Variants in ZBTB25 observed in about 807,000 individuals in gnomAD.
ZBTB25 encodes the protein zinc finger and BTB domain containing 25.
In ZBTB25, 20 loss-of-function variants were observed where a neutral mutation model predicts 34.2. The ratio of observed to expected loss-of-function variants is 0.58; its 90% CI spans 0.41 to 0.85. The LOEUF is 0.85. Among genes scored for constraint, ZBTB25 ranks in the 40% least tolerant of loss-of-function variants. The probability of loss-of-function intolerance (pLI) is 0.00; values close to 1 mark genes in which losing one functional copy is unlikely to be tolerated. For missense variants in ZBTB25, 437 were observed against 521.8 expected (o/e 0.84, Z 1.58); for synonymous variants, 175 against 186.4 (o/e 0.94, Z 0.50).
downstream of ZBTB25, among the ~76,000 whole-genome samples, chr14:64,475,708 T>A (rs1345128605): frequency 6.6e-6 from 1 of 152,126 alleles, no homozygotes; most frequent in Non-Finnish European, 1.5e-5. Flanking sequence ...GAAAATCCTC[T>A]GCAAAACTGG....
upstream of ZBTB25, chr14:64,505,127 C>T (rs1011530265): frequency 2.0e-5 from 7 of 344,020 alleles, no homozygotes; most frequent in Non-Finnish European, 2.6e-5. Flanking sequence ...TGCTTGTTGC[C>T]GGCGCGTCAG....
At chr14:64,453,400 C>T (rs1189896533) in intron 2 of ZBTB25, among the ~76,000 whole-genome samples, 1 of 151,936 alleles carries the variant, frequency 6.6e-6, no homozygotes, top group Non-Finnish European at 1.5e-5. Context: ...GGAGAAACTC[C>T]GTCTCTACTA....
chr14:64,471,823 T>C (rs11848452), intron 2 of ZBTB25: 4,042 of 167,136 alleles, frequency 0.024, 56 homozygotes, highest in Middle Eastern at 0.054. Context: ...TTGCATTGTG[T>C]ATGGATTGCA....
intron 2 of ZBTB25, chr14:64,460,780 C>CTTT (rs2078544731): frequency 6.6e-6 from 1 of 152,140 alleles, no homozygotes. Context: ...AATCCCAGCA[C>CTTT]TTTGGGAGGC....
chr14:64,458,165 G>A, intron 2 of ZBTB25: 1 of 1,408,824 alleles, frequency 7.1e-7, no homozygotes, highest in Non-Finnish European at 1.0e-6. Flanking sequence ...ATAGGCGTGA[G>A]CCACTGTGCC....
At chr14:64,462,759 C>T (rs945752412) in intron 2 of ZBTB25, 1 of 152,168 alleles carries the variant, frequency 6.6e-6, no homozygotes, top group African/African-American at 2.4e-5. Flanking sequence ...CTCTGTGCAA[C>T]CCTCATGGTG....
exon 3 of ZBTB25, chr14:64,449,528 G>A: frequency 6.2e-7 from 1 of 1,614,192 alleles, no homozygotes; most frequent in Non-Finnish European, 8.5e-7. Context: ...TGCACTCACT[G>A]GGCAGAAGGG....
At chr14:64,477,052 G>C (rs2078726734), downstream of ZBTB25, among the ~76,000 whole-genome samples, 2 of 152,092 alleles carry the variant, frequency 1.3e-5, no homozygotes, top group African/African-American at 4.8e-5. Flanking sequence ...GTCACCTCGG[G>C]GTAATTTTAA....
chr14:64,504,158 GC>G (rs1343489316), upstream of ZBTB25: 1 of 152,452 alleles, frequency 6.6e-6, no homozygotes, highest in Non-Finnish European at 1.5e-5. Context: ...GGCCAGGGAG[GC>G]CGAGCCGCGG....
At chr14:64,501,631 C>T (rs1279679221) in intron 1 of ZBTB25, among the ~76,000 whole-genome samples, 1 of 152,200 alleles carries the variant, frequency 6.6e-6, no homozygotes, top group Non-Finnish European at 1.5e-5. Flanking sequence ...TTTTCTGGCC[C>T]TGTTATTGCT....
rs1201017600 is a variant in ZBTB25 at position 64,482,163 on chromosome 14, TA to T, written c.*4759del. The T allele has an allele frequency of 6.6e-6, 1 of 152,030 alleles. No homozygotes were observed. Among genetic ancestry groups the T allele is most frequent in the African/African-American group, 2.4e-5 (1 of 41,406 alleles). The allele number at this position is 152,030 out of a possible 1,614,324, so 9.4% of individuals were successfully genotyped here. ...ATTTAGATCACCTACATCAAAGAAA[TA>T]AAAATAGGCTGGGCCCAGTGGCCCA... On this transcript the variant is annotated 3_prime_UTR_variant, in exon 3 of 3. Transcript: ENST00000608382.
chr14:64,495,002 A>C (rs2079219557), intron 1 of ZBTB25, among the ~76,000 whole-genome samples: 1 of 152,074 alleles, frequency 6.6e-6, no homozygotes, highest in Non-Finnish European at 1.5e-5. Flanking sequence ...CTCTGCTGAG[A>C]TTTCCTATTT....
At chr14:64,476,564 A>T (rs1431491876), downstream of ZBTB25, among the ~76,000 whole-genome samples, 2 of 152,110 alleles carry the variant, frequency 1.3e-5, 1 homozygote, top group Non-Finnish European at 2.9e-5. Flanking sequence ...CTTGTGATTC[A>T]CCTGCCTCAG....
chr14:64,496,288 GC>G (rs2079271877), intron 1 of ZBTB25, among the ~76,000 whole-genome samples: 2 of 151,980 alleles, frequency 1.3e-5, no homozygotes, highest in Non-Finnish European at 2.9e-5. Flanking sequence ...TTCAAGACCA[GC>G]CTGGCCAACA....
At position 64,469,049 on chromosome 14, in the gene ZBTB25, G is replaced by C. The variant is rs761905931; in HGVS notation, c.174-19411C>G. Reference sequence around the variant, plus strand: ...TTCAGTAGAACTTGGATTAGATAATGGGCATTCTGCTATTCAAACGGGAAC... The same window carrying C: ...TTCAGTAGAACTTGGATTAGATAATCGGCATTCTGCTATTCAAACGGGAAC... On this transcript the variant is annotated intron_variant, in intron 2 of 2. Transcript: ENST00000555220. 3.7e-6 allele frequency: 6 copies of C among 1,614,050 alleles called. No individual in the cohort carries two copies. The East Asian group carries it at 1.3e-4, about 36-fold the overall frequency.
At position 64,486,315 on chromosome 14, in the gene ZBTB25, G is replaced by A; in HGVS notation, c.*608C>T. 3 of 984,622 alleles carry A rather than the reference G, an allele frequency of 3.0e-6. No individual in the cohort carries two copies. The highest frequency in any genetic ancestry group is 3.6e-6 in the Non-Finnish European group (3 of 829,498). The allele number at this position is 984,622 out of a possible 1,614,324, so 61.0% of individuals were successfully genotyped here. A position where few individuals can be genotyped will look rare whatever the true frequency, so the allele number is the denominator to read the frequency against. ...AGACTCTGTCTCAAAAAAAAAAAGA[G>A]GTATACTCAATGTTAAAAAGTAAAG... is the stretch of plus-strand genomic sequence containing the variant. On this transcript the variant is annotated 3_prime_UTR_variant, in exon 3 of 3. Coordinates refer to ENST00000608382, the MANE Select transcript of ZBTB25 (RefSeq NM_006977.5).
downstream of ZBTB25, chr14:64,474,406 AGAT>A (rs2078701908): frequency 1.2e-5 from 2 of 167,226 alleles, no homozygotes. Flanking sequence ...ACTATGGATC[AGAT>A]GATAATATTA....
rs2078902624 is a variant in ZBTB25, at chr14:64,487,285, T to C, written c.946A>G (p.Thr316Ala). The C allele has an allele frequency of 2.5e-6, 4 of 1,614,110 alleles. No individual in the cohort carries two copies. The highest frequency in any genetic ancestry group is 4.5e-5 in the East Asian group (2 of 44,884). ...TGACTGATCTGCAAAGGCTCTGTGG[T>C]ACCCCGGTTGGTGTGGTCTGGCTGC... ...EQQPDHTNRGTTEPLQISQVS... is the reference protein window; with the variant it reads ...EQQPDHTNRGATEPLQISQVS... The change falls in exon 3 of 3, where the codon ACC becomes GCC. Residue 316 changes from threonine (T) to alanine (A), a missense_variant. By Grantham distance (58) the Thr-to-Ala change is moderately conservative. Coordinates refer to ENST00000608382, the MANE Select transcript of ZBTB25 (RefSeq NM_006977.5).
intron 2 of ZBTB25, chr14:64,471,998 G>A (rs924483108): frequency 6.0e-6 from 1 of 166,350 alleles, no homozygotes; most frequent in South Asian, 2.1e-4. Flanking sequence ...ATTTCCCCCA[G>A]ATTTTCCTAC....
Sources: allele counts gnomAD v4.1 joint callset (sites outside exome capture counted in the v4.1 genomes callset), GRCh38; gene constraint gnomAD v4.1.1; transcripts MANE v1.5; gene names NCBI Gene and HGNC (gene_info 2026-07-23, HGNC 2026-07-21).